CNTD1: variants seen among roughly 807,000 people sequenced by gnomAD.
CNTD1 encodes cyclin N-terminal domain containing 1.
A neutral mutation model predicts 36.3 loss-of-function variants in CNTD1; 17 were observed. That is an observed-to-expected ratio of 0.47 (90% CI 0.32 to 0.70). CNTD1 has a LOEUF of 0.70. Ranked by LOEUF, CNTD1 falls within the 30% of genes least tolerant of loss-of-function variation. The pLI, the probability that CNTD1 is intolerant of heterozygous loss-of-function variation, is 0.03. For missense variants in CNTD1, 338 were observed against 386.1 expected, an observed-to-expected ratio of 0.88 and a Z score of 1.04; for synonymous variants, 128 against 153.3, an observed-to-expected ratio of 0.83 and a Z score of 1.22.
rs563312248 is a variant in CNTD1 at position 42,807,624 on chromosome 17, G to C, written c.726-144G>C. On this transcript the variant is annotated intron_variant, in intron 5 of 6. Coordinates refer to ENST00000588408, the MANE Select transcript of CNTD1 (RefSeq NM_173478.3). The stretch of plus-strand genomic sequence containing the variant: ...GGAGAATGGGAGAGCAGGTCAATGA[G>C]CTATTACTTGACCATTTCCTTCCAT... 5.1e-4 allele frequency: 325 copies of C among 639,118 alleles called. 6 individuals are homozygous for C. The South Asian group carries it at 5.8e-3, about 11-fold the overall frequency. 39.6% of individuals were successfully genotyped at this position (639,118 alleles called of 1,614,324 possible). A position where few individuals can be genotyped will look rare whatever the true frequency, so the allele number is the denominator to read the frequency against.
intron 1 of CNTD1, among the ~76,000 whole-genome samples, chr17:42,799,745 T>C (rs2054741432): frequency 1.6e-5 from 1 of 62,706 alleles, no homozygotes; most frequent in African/African-American, 6.8e-5. Flanking sequence ...AGAATGAAAC[T>C]CCGTCTCAAA....
rs540565326 is a variant in CNTD1 at position 42,810,319 on chromosome 17, A to G, written c.*784A>G. The G allele has an allele frequency of 2.6e-5, 4 of 154,140 alleles. No homozygotes were observed. The highest frequency in any genetic ancestry group is 4.8e-5 in the African/African-American group (2 of 41,590). 9.5% of individuals were successfully genotyped at this position (154,140 alleles called of 1,614,324 possible). On this transcript the variant is annotated 3_prime_UTR_variant, in exon 7 of 7. Transcript: ENST00000588408. ...ATCACATGGTGACCAGGTAAAGCTT[A>G]GATGTCATTTTCCCACATTATCCAA...
Position 42,805,863 on chromosome 17 carries a change from G to A in CNTD1, c.559G>A (p.Glu187Lys). The change falls in exon 4 of 7, where the codon GAG (glutamate) becomes AAG (lysine). Residue 187 changes from glutamate to lysine, a missense_variant. Glu to Lys is a moderately conservative substitution (Grantham distance 56). Coordinates refer to ENST00000588408, the MANE Select transcript of CNTD1 (RefSeq NM_173478.3). ...TCTGCCCACTCCCCTGGCATATGTG[G>A]AGACGCTCCTAGAGGTTTTAGGTAT... Reference protein sequence around the residue: ...INLPTPLAYVETLLEVLGYNG... With the variant: ...INLPTPLAYVKTLLEVLGYNG... 1 of 1,613,310 alleles carries A rather than the reference G, an allele frequency of 6.2e-7. No individual in the cohort carries two copies. Among genetic ancestry groups the A allele is most frequent in the East Asian group, 2.2e-5 (1 of 44,878 alleles).
intron 2 of CNTD1, 23 bp downstream of exon 2, chr17:42,803,718 T>A: frequency 6.3e-7 from 1 of 1,587,864 alleles, no homozygotes; most frequent in Non-Finnish European, 8.6e-7. Context: ...CATAATGCCT[T>A]TTGAACGGCA....
Position 42,805,780 on chromosome 17 carries a change from A to G in CNTD1, c.476A>G (p.Lys159Arg), listed in dbSNP as rs868452724. ...CAGGCTCTAGGCTATCTACACACTA[A>G]AGAAGAACTGCTGGAATCAGAGCTT... Reference protein sequence around the residue: ...FLQALGYLHTKEELLESELDV... With the variant: ...FLQALGYLHTREELLESELDV... Residue 159 changes from lysine (K) to arginine (R), a missense_variant, in exon 4 of 7, where the codon AAA (lysine) becomes AGA (arginine). Coordinates refer to ENST00000588408, the MANE Select transcript of CNTD1 (RefSeq NM_173478.3). The G allele has an allele frequency of 1.9e-6, 3 of 1,613,930 alleles. No individual in the cohort carries two copies. Among genetic ancestry groups the G allele is most frequent in the African/African-American group, 1.3e-5 (1 of 74,910 alleles).
intron 2 of CNTD1, among the ~76,000 whole-genome samples, chr17:42,803,942 C>T (rs186678993): frequency 3.3e-5 from 5 of 152,164 alleles, no homozygotes; most frequent in African/African-American, 1.2e-4. Context: ...CTCAAGTGAT[C>T]CTCCCACCTC....
At chr17:42,801,510 A>AAAAAAT (rs1289580717) in intron 1 of CNTD1, among the ~76,000 whole-genome samples, 25 of 54,348 alleles carry the variant, frequency 4.6e-4, no homozygotes, top group East Asian at 1.1e-3. Flanking sequence ...AAAAAAAAAA[A>AAAAAAT]ATATATATAT....
chr17:42,802,958 C>G (rs1019343710), intron 1 of CNTD1, among the ~76,000 whole-genome samples: 7 of 152,186 alleles, frequency 4.6e-5, no homozygotes, highest in African/African-American at 1.7e-4. Context: ...ACTCCCTCCC[C>G]CTAAATTGGG....
intron 1 of CNTD1, among the ~76,000 whole-genome samples, chr17:42,802,226 TA>T (rs950620466): frequency 2.4e-4 from 36 of 151,480 alleles, no homozygotes; most frequent in Middle Eastern, 3.4e-3. Context: ...TTTATTTATT[TA>T]AAAAAAAATT....
chr17:42,801,233 GAC>G (rs1179044574), intron 1 of CNTD1, among the ~76,000 whole-genome samples: 1 of 147,348 alleles, frequency 6.8e-6, no homozygotes, highest in Non-Finnish European at 1.5e-5. Flanking sequence ...AAAAAACACA[GAC>G]ACACTACATA....
At chr17:42,804,492 GAAGAA>G in intron 3 of CNTD1, 96 bp downstream of exon 3, 1 of 1,051,542 alleles carries the variant, frequency 9.5e-7, no homozygotes, top group Non-Finnish European at 1.4e-6. Context: ...TCAGTGACAA[GAAGAA>G]AATAAATAAA....
chr17:42,809,890 C>T lies in CNTD1; in HGVS notation c.*355C>T, dbSNP rs1257776405. On this transcript the variant is annotated 3_prime_UTR_variant, in exon 7 of 7. Transcript: ENST00000588408. ...GACTATCTGGGTGACCTTGACTAAG[C>T]ATCAAGGAGGTAGCCTTTATTTCCC... is the stretch of plus-strand genomic sequence containing the variant. The T allele has an allele frequency of 6.1e-6, 1 of 163,450 alleles. No homozygotes were observed. Among genetic ancestry groups the T allele is most frequent in the South Asian group, 1.9e-4 (1 of 5,340 alleles). The allele number at this position is 163,450 out of a possible 1,614,324, so 10.1% of individuals were successfully genotyped here.
At chr17:42,806,907 A>G in intron 5 of CNTD1, 89 bp downstream of exon 5, 1 of 1,275,692 alleles carries the variant, frequency 7.8e-7, no homozygotes, top group South Asian at 1.3e-5. Flanking sequence ...TTAGCCTAGC[A>G]TGGCATCCAG....
In CNTD1 at chr17:42,804,356, C is replaced by T; in HGVS notation, c.377C>T (p.Ser126Leu). 3.1e-6 allele frequency: 5 copies of T among 1,614,126 alleles called. No homozygotes were observed. Among genetic ancestry groups the T allele is most frequent in the Non-Finnish European group, 4.2e-6 (5 of 1,180,012 alleles). Reference protein sequence around the residue: ...LVNKFTLRLVSCVQLASKLSF... With the variant: ...LVNKFTLRLVLCVQLASKLSF... The stretch of plus-strand genomic sequence containing the variant: ...AACAAGTTTACTCTCCGTCTTGTGT[C>T]ATGTGTTCAGCTGGCCAGCAAACTT... Residue 126 changes from serine to leucine, a missense_variant, in exon 3 of 7, where the codon TCA (serine) becomes TTA (leucine). Physicochemically the swap from Ser to Leu is moderately radical, Grantham distance 145 (BLOSUM62 -2). Coordinates refer to ENST00000588408, the MANE Select transcript of CNTD1 (RefSeq NM_173478.3).
chr17:42,799,682 G>A (rs1031309177), intron 1 of CNTD1, among the ~76,000 whole-genome samples: 3 of 148,148 alleles, frequency 2.0e-5, no homozygotes, highest in Non-Finnish European at 4.4e-5. Context: ...AACCCAGGAG[G>A]CGGAAGTTGC....
intron 1 of CNTD1, 37 bp from the exon 2 acceptor site, chr17:42,803,583 A>G: frequency 6.4e-7 from 1 of 1,568,284 alleles, no homozygotes; most frequent in Admixed American, 1.7e-5. Context: ...TTTTGGTTGC[A>G]TCTTGTGAAT....
chr17:42,807,142 G>A (rs903756625), intron 5 of CNTD1, among the ~76,000 whole-genome samples: 8 of 152,042 alleles, frequency 5.3e-5, no homozygotes, highest in African/African-American at 9.7e-5. Context: ...AGTCGCCGGC[G>A]CGGTGGCTCA....
chr17:42,805,338 T>A (rs1412731605), intron 3 of CNTD1: 1 of 161,526 alleles, frequency 6.2e-6, no homozygotes, highest in Non-Finnish European at 1.4e-5. Flanking sequence ...AAAAAAAAGC[T>A]CTGATTAATG....
In CNTD1 at chr17:42,798,977, TC is replaced by T; in HGVS notation, c.-89del. ...ACACTCATTGGAAGGGGACGAGGAATCCAGGGTGTGGCAGAAGACTGGAGAG... is the reference window on the plus strand; with the variant it reads ...ACACTCATTGGAAGGGGACGAGGAATCAGGGTGTGGCAGAAGACTGGAGAG... On this transcript the variant is annotated 5_prime_UTR_variant, in exon 1 of 7. Coordinates refer to ENST00000588408, the MANE Select transcript of CNTD1 (RefSeq NM_173478.3). 2.0e-6 allele frequency: 3 copies of T among 1,521,346 alleles called. No homozygotes were observed. The highest frequency in any genetic ancestry group is 2.6e-6 in the Non-Finnish European group (3 of 1,136,184). 94.2% of individuals were successfully genotyped at this position (1,521,346 alleles called of 1,614,324 possible). A position where few individuals can be genotyped will look rare whatever the true frequency, so the allele number is the denominator to read the frequency against.
Sources: gnomAD v4.1 joint callset for allele counts (sites outside exome capture counted in the v4.1 genomes callset) on GRCh38, gnomAD v4.1.1 for gene constraint, MANE v1.5 for transcripts, NCBI Gene and HGNC (gene_info 2026-07-23, HGNC 2026-07-21) for gene names.